The following CCDC178 variants were observed in gnomAD, a reference collection of about 807,000 sequenced individuals.
CCDC178 encodes coiled-coil domain containing 178, also known as coiled-coil domain-containing protein 178.
A neutral mutation model predicts 117.4 loss-of-function variants in CCDC178; 126 were observed. The observed-to-expected ratio is 1.07, with a 90% CI of 0.93 to 1.24. The LOEUF is 1.24. Among genes scored for constraint, CCDC178 ranks in the 50% most tolerant of loss-of-function variants. The pLI is 0.00. For missense variants in CCDC178, 1,030 were observed against 986.9 expected (o/e 1.04, Z -0.59); for synonymous variants, 283 against 313.4 (o/e 0.90, Z 1.02).
chr18:33,039,703 C>T (rs1392382726), intron 21 of CCDC178, among the ~76,000 whole-genome samples: 3 of 151,962 alleles, frequency 2.0e-5, no homozygotes, highest in Non-Finnish European at 4.4e-5. Context: ...GAGAGGGGAC[C>T]TTAGATGCAT....
At chr18:32,944,493 AT>A (rs2054303563) in intron 22 of CCDC178, among the ~76,000 whole-genome samples, 1 of 152,172 alleles carries the variant, frequency 6.6e-6, no homozygotes, top group Admixed American at 6.5e-5. Flanking sequence ...GTACATATTA[AT>A]TGAGATGTGG....
At chr18:33,238,620 A>T (rs1490385784) in intron 15 of CCDC178, among the ~76,000 whole-genome samples, 1 of 152,182 alleles carries the variant, frequency 6.6e-6, no homozygotes, top group Non-Finnish European at 1.5e-5. Context: ...CAATGAAAAG[A>T]ATGACACCAT....
intron 2 of CCDC178, among the ~76,000 whole-genome samples, chr18:33,424,034 T>C (rs1165738115): frequency 6.6e-6 from 1 of 152,222 alleles, no homozygotes; most frequent in Non-Finnish European, 1.5e-5. Context: ...CATATTCTCA[T>C]GAAAATATTG....
intron 5 of CCDC178, among the ~76,000 whole-genome samples, chr18:33,374,807 G>A (rs1264068475): frequency 6.6e-6 from 1 of 152,152 alleles, no homozygotes; most frequent in Non-Finnish European, 1.5e-5. Context: ...ACAAACTACT[G>A]ATATATGAAA....
intron 21 of CCDC178, among the ~76,000 whole-genome samples, chr18:33,011,999 G>T (rs1448993060): frequency 6.6e-6 from 1 of 151,926 alleles, no homozygotes. Flanking sequence ...ATTAACTTGG[G>T]CATGATCAAA....
intron 21 of CCDC178, among the ~76,000 whole-genome samples, chr18:33,037,574 A>G (rs1029906287): frequency 2.0e-5 from 3 of 151,948 alleles, no homozygotes; most frequent in African/African-American, 4.8e-5. Context: ...TTGACAATGG[A>G]GAATTCTGAA....
At chr18:33,384,830 C>T (rs1018093113) in intron 5 of CCDC178, among the ~76,000 whole-genome samples, 5 of 152,222 alleles carry the variant, frequency 3.3e-5, no homozygotes, top group Non-Finnish European at 5.9e-5. Flanking sequence ...AACCAGCCAG[C>T]GCCATGATGA....
intron 20 of CCDC178, among the ~76,000 whole-genome samples, chr18:33,156,611 C>G (rs1238042636): frequency 7.6e-6 from 1 of 131,366 alleles, no homozygotes; most frequent in Admixed American, 8.9e-5. Flanking sequence ...TCCATTTCTC[C>G]TATCATTTTT....
At position 33,370,095 on chromosome 18, in the gene CCDC178, T is replaced by C; in HGVS notation, c.303A>G (p.Ser101=). Reference sequence around the variant, plus strand: ...TTTTGGACTCCACATCTTGGATGTGTGAAATCATTTTGTTGACACAAGGTG... The same window carrying C: ...TTTTGGACTCCACATCTTGGATGTGCGAAATCATTTTGTTGACACAAGGTG... ...IPAPCVNKMI[S]HIQDVESKIQ... The change falls in exon 6 of 23, where the codon TCA becomes TCG. Residue 101 remains serine, a synonymous_variant. Transcript: ENST00000383096. The C allele has an allele frequency of 6.2e-7, 1 of 1,605,708 alleles. No individual in the cohort carries two copies. Among genetic ancestry groups the C allele is most frequent in the Non-Finnish European group, 8.5e-7 (1 of 1,176,246 alleles).
intron 10 of CCDC178, among the ~76,000 whole-genome samples, chr18:33,329,802 T>C (rs1168258950): frequency 6.6e-6 from 1 of 152,006 alleles, no homozygotes; most frequent in African/African-American, 2.4e-5. Flanking sequence ...AATGCTGACA[T>C]AGATGAATTA....
In CCDC178 at chr18:32,970,206, T is replaced by C. The variant is rs1330603024; in HGVS notation, c.2523+4341A>G. Among the ~76,000 whole-genome samples the C allele has an allele frequency of 3.9e-5, 6 of 151,972 alleles. No homozygotes were observed. The East Asian group carries it at 9.7e-4, about 25-fold the overall frequency. ...CATCTTATTGGTTTCTGCTTGATCA[T>C]GTAATTCAAAAGCTTATCTGGCCCA... On this transcript the variant is annotated intron_variant, in intron 22 of 22. Coordinates refer to ENST00000383096, the MANE Select transcript of CCDC178 (RefSeq NM_001105528.4).
chr18:33,318,278 C>T (rs2062447784), intron 11 of CCDC178, among the ~76,000 whole-genome samples: 1 of 152,128 alleles, frequency 6.6e-6, no homozygotes, highest in Non-Finnish European at 1.5e-5. Context: ...ATCCCATCTT[C>T]TGGGTGAGTG....
intron 7 of CCDC178, among the ~76,000 whole-genome samples, chr18:33,352,802 G>C (rs764418580): frequency 6.6e-6 from 1 of 151,704 alleles, no homozygotes; most frequent in East Asian, 1.9e-4. Context: ...GATCTTTTTC[G>C]TTTCATTGAG....
chr18:33,414,578 A>C (rs910338552), intron 2 of CCDC178, among the ~76,000 whole-genome samples: 42 of 152,364 alleles, frequency 2.8e-4, no homozygotes, highest in African/African-American at 7.2e-4. Flanking sequence ...TAAATGTTAG[A>C]CCAAAAACCA....
chr18:32,983,754 A>T (rs753985540), intron 21 of CCDC178, among the ~76,000 whole-genome samples: 3 of 152,084 alleles, frequency 2.0e-5, no homozygotes, highest in Admixed American at 6.5e-5. Context: ...TGCGTTTCTC[A>T]ATTTCTGACA....
At chr18:33,437,277 A>G (rs1229767219) in intron 2 of CCDC178, among the ~76,000 whole-genome samples, 2 of 152,226 alleles carry the variant, frequency 1.3e-5, no homozygotes, top group Admixed American at 6.5e-5. Context: ...TTAAAGAAAC[A>G]AAAATAATTG....
At chr18:33,359,511 C>T (rs1457898962) in intron 6 of CCDC178, among the ~76,000 whole-genome samples, 2 of 151,498 alleles carry the variant, frequency 1.3e-5, no homozygotes, top group Non-Finnish European at 3.0e-5. Flanking sequence ...TCCAGAGAAA[C>T]ATTTGAAGTC....
At chr18:33,267,780 A>C (rs2059836301) in intron 12 of CCDC178, among the ~76,000 whole-genome samples, 2 of 151,542 alleles carry the variant, frequency 1.3e-5, no homozygotes, top group African/African-American at 4.8e-5. Context: ...TTTAGATAAC[A>C]TAATTAAATA....
intron 20 of CCDC178, among the ~76,000 whole-genome samples, chr18:33,165,287 G>C (rs964010442): frequency 1.4e-4 from 21 of 152,058 alleles, no homozygotes; most frequent in African/African-American, 4.1e-4. Context: ...CAGGAGTCCA[G>C]CCTGGACAAC....
Sources: allele counts gnomAD v4.1 joint callset (sites outside exome capture counted in the v4.1 genomes callset), GRCh38; gene constraint gnomAD v4.1.1; transcripts MANE v1.5; gene names NCBI Gene and HGNC (gene_info 2026-07-23, HGNC 2026-07-21).